Variants in CAPS2 observed in about 807,000 individuals in gnomAD.
CAPS2 encodes the protein calcyphosin-2.
CAPS2 carries 98 observed loss-of-function variants against 86.5 expected under a neutral mutation model. The ratio of observed to expected loss-of-function variants is 1.13; its 90% CI spans 0.96 to 1.34. The LOEUF (loss-of-function observed/expected upper bound fraction) is 1.34. Ranked by LOEUF, CAPS2 falls within the 40% of genes most tolerant of loss-of-function variation. CAPS2 has a pLI of 0.00. For missense variants in CAPS2, 729 were observed against 686.8 expected, an observed-to-expected ratio of 1.06 and a Z score of -0.69; for synonymous variants, 210 against 225.1, an observed-to-expected ratio of 0.93 and a Z score of 0.60.
Position 75,323,230 on chromosome 12 carries a change from A to G in CAPS2, c.132-8T>C. ...AAATCAAGTCGTGGGACCCTGAAAG[A>G]CATAATCTATGTATCCCGTAACTTT... is the stretch of plus-strand genomic sequence containing the variant. On this transcript the variant is annotated splice_region_variant and splice_polypyrimidine_tract_variant and intron_variant, in intron 2 of 16. Transcript: ENST00000393284. The G allele has an allele frequency of 6.5e-7, 1 of 1,541,858 alleles. No homozygotes were observed. Among genetic ancestry groups the G allele is most frequent in the Non-Finnish European group, 8.8e-7 (1 of 1,142,268 alleles).
chr12:75,324,801 A>G (rs990905607), intron 2 of CAPS2, among the ~76,000 whole-genome samples: 1 of 152,144 alleles, frequency 6.6e-6, no homozygotes, highest in African/African-American at 2.4e-5. Flanking sequence ...ACATAAATTA[A>G]TATACTCTAA....
downstream of CAPS2, chr12:75,276,378 C>G: frequency 7.3e-7 from 1 of 1,368,392 alleles, no homozygotes. Flanking sequence ...TCCTGAAATA[C>G]TTGATAACAA....
chr12:75,366,540 T>G (rs1212421491), intron 1 of CAPS2, among the ~76,000 whole-genome samples: 18 of 152,156 alleles, frequency 1.2e-4, no homozygotes, highest in Non-Finnish European at 1.6e-4. Flanking sequence ...GCCCTCAAAC[T>G]TTTTCATTTT....
intron 1 of CAPS2, among the ~76,000 whole-genome samples, chr12:75,346,610 C>T (rs746676907): frequency 4.3e-4 from 66 of 152,096 alleles, no homozygotes; most frequent in Admixed American, 2.6e-4. Flanking sequence ...AGGCTGACCT[C>T]GAACTCCTGA....
intron 1 of CAPS2, among the ~76,000 whole-genome samples, chr12:75,376,553 A>C (rs957740570): frequency 5.9e-5 from 9 of 152,178 alleles, no homozygotes; most frequent in Non-Finnish European, 1.3e-4. Context: ...GTACAGGGTT[A>C]ATCTCCTGAA....
intron 7 of CAPS2, 144 bp from the exon 8 acceptor site, chr12:75,305,020 TA>T (rs1162184634): frequency 2.9e-5 from 16 of 550,844 alleles, no homozygotes; most frequent in Non-Finnish European, 4.6e-5. Context: ...ATAAATTTAT[TA>T]AAAAATATTT....
chr12:75,344,228 T>C, intron 1 of CAPS2, among the ~76,000 whole-genome samples: 1 of 152,058 alleles, frequency 6.6e-6, no homozygotes, highest in Non-Finnish European at 1.5e-5. Flanking sequence ...CTCTCTTCCC[T>C]TCCCTGGAAG....
At chr12:75,375,939 G>A (rs2044625019) in intron 1 of CAPS2, among the ~76,000 whole-genome samples, 1 of 152,194 alleles carries the variant, frequency 6.6e-6, no homozygotes, top group South Asian at 2.1e-4. Flanking sequence ...ACGGAGAGGA[G>A]CAATTGCAGA....
chr12:75,325,001 T>A (rs2040631817), intron 2 of CAPS2, among the ~76,000 whole-genome samples: 1 of 152,162 alleles, frequency 6.6e-6, no homozygotes, highest in Admixed American at 6.5e-5. Flanking sequence ...TTCAGGAAAA[T>A]GTAAAACATA....
At chr12:75,369,209 A>G (rs931593238) in intron 1 of CAPS2, among the ~76,000 whole-genome samples, 1 of 151,964 alleles carries the variant, frequency 6.6e-6, no homozygotes, top group Non-Finnish European at 1.5e-5. Context: ...TAATTTTTCA[A>G]TACATTTTAG....
chr12:75,294,243 C>A (rs967162854), intron 11 of CAPS2, among the ~76,000 whole-genome samples: 1 of 152,134 alleles, frequency 6.6e-6, no homozygotes, highest in Non-Finnish European at 1.5e-5. Flanking sequence ...CACGCCTGGC[C>A]AACAAATACA....
chr12:75,352,510 T>G (rs2139456550), intron 1 of CAPS2, among the ~76,000 whole-genome samples: 1 of 152,334 alleles, frequency 6.6e-6, no homozygotes, highest in South Asian at 2.1e-4. Flanking sequence ...AAACAAGTTC[T>G]TAGAGACCTA....
At chr12:75,327,412 C>A (rs1465166828), upstream of CAPS2, among the ~76,000 whole-genome samples, 1 of 151,976 alleles carries the variant, frequency 6.6e-6, no homozygotes, top group Admixed American at 6.6e-5. Context: ...AATCAACTTG[C>A]AAATATGTAC....
intron 5 of CAPS2, among the ~76,000 whole-genome samples, chr12:75,317,632 C>T (rs572090563): frequency 2.0e-5 from 3 of 152,240 alleles, no homozygotes; most frequent in East Asian, 3.9e-4. Context: ...AATGGTAACC[C>T]TCTTAGGCCA....
At chr12:75,334,488 C>G, upstream of CAPS2, 2 of 1,313,024 alleles carry the variant, frequency 1.5e-6, no homozygotes, top group Non-Finnish European at 9.7e-7. Flanking sequence ...TTGAAATTCC[C>G]TCCACCAGAG....
upstream of CAPS2, chr12:75,334,787 C>G (rs775364759): frequency 5.0e-6 from 8 of 1,614,094 alleles, 1 homozygote; most frequent in South Asian, 7.7e-5. Flanking sequence ...TTGGTAGCCA[C>G]TACATCTTCC....
At chr12:75,336,323 T>C (rs930932989) in intron 1 of CAPS2, among the ~76,000 whole-genome samples, 4 of 151,754 alleles carry the variant, frequency 2.6e-5, no homozygotes, top group Non-Finnish European at 5.9e-5. Context: ...AAATAGCAAA[T>C]GGTAGACTAA....
chr12:75,319,485 C>T (rs1253241511), intron 5 of CAPS2, among the ~76,000 whole-genome samples: 1 of 151,040 alleles, frequency 6.6e-6, no homozygotes, highest in African/African-American at 2.5e-5. Flanking sequence ...TAAAAGCAAC[C>T]TGAAGCCCTT....
exon 15 of CAPS2, chr12:75,284,988 A>G (rs143527877): frequency 3.7e-5 from 60 of 1,607,596 alleles, no homozygotes; most frequent in African/African-American, 6.7e-5. Context: ...TCCTGTATTC[A>G]TTCATTTCAC....
Sources: allele counts gnomAD v4.1 joint callset (sites outside exome capture counted in the v4.1 genomes callset), GRCh38; gene constraint gnomAD v4.1.1; transcripts MANE v1.5; gene names NCBI Gene and HGNC (gene_info 2026-07-23, HGNC 2026-07-21).